Variants in BTG3 observed in about 807,000 individuals in gnomAD.
BTG3 encodes the protein protein BTG3.
Under a neutral mutation model 25.8 loss-of-function variants are expected in BTG3, and 4 were observed. The observed-to-expected ratio is 0.16, with a 90% CI of 0.08 to 0.36. The LOEUF is 0.36. Ranked by LOEUF, BTG3 falls within the 10% of genes least tolerant of loss-of-function variation. The pLI is 1.00. For synonymous variants in BTG3, 107 were observed against 99.9 expected, an observed-to-expected ratio of 1.07 and a Z score of -0.42; for missense variants, 201 against 304.9, an observed-to-expected ratio of 0.66 and a Z score of 2.54.
chr21:17,606,628 C>T (rs1016091610), intron 2 of BTG3, among the ~76,000 whole-genome samples: 1 of 152,046 alleles, frequency 6.6e-6, no homozygotes, highest in African/African-American at 2.4e-5. Flanking sequence ...AATATAGATG[C>T]TTAAACAGAG....
intron 1 of BTG3, chr21:17,611,746 T>A (rs2123489737): frequency 6.6e-6 from 1 of 152,382 alleles, no homozygotes; most frequent in Middle Eastern, 3.4e-3. Context: ...CAAGTTCTAC[T>A]TTGTTCCACA....
intron 4 of BTG3, 69 bp downstream of exon 4, chr21:17,598,548 G>T: frequency 7.4e-7 from 1 of 1,343,938 alleles, no homozygotes; most frequent in Non-Finnish European, 1.0e-6. Flanking sequence ...GCAATGCCAA[G>T]TAGGACTACC....
intron 2 of BTG3, among the ~76,000 whole-genome samples, chr21:17,606,346 C>T (rs747771944): frequency 6.6e-6 from 1 of 152,080 alleles, no homozygotes; most frequent in Non-Finnish European, 1.5e-5. Flanking sequence ...TAATACTCAA[C>T]CCTGTATATA....
At chr21:17,599,525 G>A (rs962032634) in intron 3 of BTG3, among the ~76,000 whole-genome samples, 3 of 143,860 alleles carry the variant, frequency 2.1e-5, no homozygotes, top group Non-Finnish European at 4.5e-5. Context: ...TGCCCAGGCT[G>A]GAGTGCAATG....
chr21:17,606,022 G>C (rs958826457), intron 2 of BTG3, among the ~76,000 whole-genome samples: 3 of 152,174 alleles, frequency 2.0e-5, no homozygotes, highest in Non-Finnish European at 2.9e-5. Flanking sequence ...TAAATTATTA[G>C]TTGGTTTTAA....
In BTG3 at chr21:17,594,146, T is replaced by A. The variant is rs536303681; in HGVS notation, c.706A>T (p.Met236Leu). Residue 236 changes from methionine (M) to leucine (L), a missense_variant, in exon 5 of 5, where the codon ATG becomes TTG. Transcript: ENST00000348354. Reference sequence around the variant, plus strand: ...ATCCAGTGATTCCGGTCACAATGCATTCCAGGAGGAGGTACCCATGTCACT... The same window carrying A: ...ATCCAGTGATTCCGGTCACAATGCAATCCAGGAGGAGGTACCCATGTCACT... ...IPVTWVPPPG[M>L]HCDRNHWINP... The A allele has an allele frequency of 6.2e-7, 1 of 1,613,286 alleles. No individual in the cohort carries two copies. The highest frequency in any genetic ancestry group is 1.7e-5 in the Admixed American group (1 of 59,926).
intron 3 of BTG3, chr21:17,604,129 T>C: frequency 7.8e-7 from 1 of 1,284,742 alleles, no homozygotes; most frequent in Admixed American, 2.5e-5. Context: ...CCACGAAGTA[T>C]CACTCAGTCA....
rs1479287999 is a variant in BTG3, at chr21:17,598,506, T to C, written c.519+111A>G. 4 of 886,818 alleles carry C rather than the reference T, an allele frequency of 4.5e-6. No individual in the cohort carries two copies. In the African/African-American group the frequency reaches 5.1e-5, roughly 11 times the overall value. The allele number at this position is 886,818 out of a possible 1,614,324, so 54.9% of individuals were successfully genotyped here. On this transcript the variant is annotated intron_variant, in intron 4 of 4. Transcript: ENST00000348354. Reference sequence around the variant, plus strand: ...CCTTAGCATGGGGAAAGGCAAGAACTATTATCCAGAATCTCAAGTCAGAAA... The same window carrying C: ...CCTTAGCATGGGGAAAGGCAAGAACCATTATCCAGAATCTCAAGTCAGAAA...
rs1355365019 is a variant in BTG3, at chr21:17,593,815, G to A, written c.*278C>T. On this transcript the variant is annotated 3_prime_UTR_variant, in exon 5 of 5. Transcript: ENST00000348354. ...AATCGTCCACTTCTACAGTGTTCTC[G>A]TATCCAACAGAGTTGATGCACAATA... 1.1e-5 allele frequency: 4 copies of A among 352,016 alleles called. No homozygotes were observed. The highest frequency in any genetic ancestry group is 5.6e-5 in the East Asian group (1 of 17,896). The allele number at this position is 352,016 out of a possible 1,614,324, so 21.8% of individuals were successfully genotyped here.
intron 3 of BTG3, 144 bp downstream of exon 3, chr21:17,604,716 A>G: frequency 9.5e-7 from 1 of 1,055,382 alleles, no homozygotes; most frequent in Non-Finnish European, 1.3e-6. Flanking sequence ...ACCTCCAGAA[A>G]AGTATTTCAT....
At chr21:17,595,999 A>C (rs1026031663) in intron 4 of BTG3, among the ~76,000 whole-genome samples, 1 of 151,982 alleles carries the variant, frequency 6.6e-6, no homozygotes, top group African/African-American at 2.4e-5. Flanking sequence ...ATATGGATTT[A>C]ATCTGCATTC....
At chr21:17,604,177 C>A in intron 3 of BTG3, 1 of 1,263,988 alleles carries the variant, frequency 7.9e-7, no homozygotes, top group Admixed American at 2.8e-5. Context: ...GGCGCAGTGG[C>A]TCACGCCTGT....
chr21:17,611,176 G>C (rs974719766), intron 1 of BTG3, among the ~76,000 whole-genome samples: 32 of 152,098 alleles, frequency 2.1e-4, no homozygotes, highest in African/African-American at 7.7e-4. Context: ...ATTCCACCAC[G>C]ATACGATGGA....
intron 4 of BTG3, among the ~76,000 whole-genome samples, chr21:17,595,331 C>T (rs2061490896): frequency 1.3e-5 from 2 of 151,890 alleles, no homozygotes; most frequent in Non-Finnish European, 2.9e-5. Flanking sequence ...TTGTGTATAG[C>T]ATTGCATTCA....
chr21:17,605,133 C>G (rs2061622428), intron 2 of BTG3, 136 bp from the exon 3 acceptor site: 1 of 961,010 alleles, frequency 1.0e-6, no homozygotes, highest in African/African-American at 1.7e-5. Flanking sequence ...AGGAGCATAT[C>G]TATCCTAAAC....
At chr21:17,607,493 T>A (rs915292846) in intron 2 of BTG3, among the ~76,000 whole-genome samples, 3 of 152,244 alleles carry the variant, frequency 2.0e-5, no homozygotes, top group Non-Finnish European at 4.4e-5. Flanking sequence ...ACTGGAAACC[T>A]CTTTGGATTA....
chr21:17,607,965 G>C (rs77118758), intron 2 of BTG3, among the ~76,000 whole-genome samples: 7,955 of 152,308 alleles, frequency 0.052, 290 homozygotes, highest in Middle Eastern at 0.12. Flanking sequence ...GAGTACAAAA[G>C]ACAGCTCCAA....
At chr21:17,597,384 A>G (rs1169361071) in intron 4 of BTG3, among the ~76,000 whole-genome samples, 1 of 152,034 alleles carries the variant, frequency 6.6e-6, no homozygotes, top group African/African-American at 2.4e-5. Flanking sequence ...TCCATCACAC[A>G]GAGAAAAAAA....
chr21:17,594,415 A>G (rs1242770831), intron 4 of BTG3, 83 bp from the exon 5 acceptor site: 2 of 1,468,306 alleles, frequency 1.4e-6, no homozygotes, highest in African/African-American at 2.8e-5. Flanking sequence ...AGACAAACAA[A>G]GTTACCCACA....
Sources: allele counts gnomAD v4.1 joint callset (sites outside exome capture counted in the v4.1 genomes callset), GRCh38; gene constraint gnomAD v4.1.1; transcripts MANE v1.5; gene names NCBI Gene and HGNC (gene_info 2026-07-23, HGNC 2026-07-21).